Variants in FHIT observed in about 807,000 individuals in gnomAD.
FHIT encodes bis(5'-adenosyl)-triphosphatase.
In FHIT, 19 loss-of-function variants were observed where a neutral mutation model predicts 17.9. The observed-to-expected ratio is 1.06, with a 90% CI of 0.74 to 1.56. FHIT has a LOEUF of 1.56. Among genes scored for constraint, FHIT ranks in the 40% most tolerant of loss-of-function variants. FHIT has a pLI of 0.00. For missense variants in FHIT, 248 were observed against 189.2 expected, an observed-to-expected ratio of 1.31 and a Z score of -1.82; for synonymous variants, 81 against 69.7, an observed-to-expected ratio of 1.16 and a Z score of -0.81.
intron 3 of FHIT, among the ~76,000 whole-genome samples, chr3:60,912,315 C>T (rs1385128431): frequency 1.3e-5 from 2 of 152,156 alleles, no homozygotes; most frequent in Non-Finnish European, 2.9e-5. Context: ...CTGTGGAATC[C>T]GATCATACCG....
At chr3:59,795,791 C>A (rs926091427) in intron 8 of FHIT, among the ~76,000 whole-genome samples, 1 of 152,044 alleles carries the variant, frequency 6.6e-6, no homozygotes, top group African/African-American at 2.4e-5. Flanking sequence ...AAGAGGTGCC[C>A]CGCTGTGCAG....
At chr3:60,498,206 C>G (rs2034381514) in intron 5 of FHIT, among the ~76,000 whole-genome samples, 2 of 152,124 alleles carry the variant, frequency 1.3e-5, no homozygotes, top group African/African-American at 4.8e-5. Flanking sequence ...AAATTTAAGG[C>G]ATTTCCTCCA....
chr3:60,335,856 A>C (rs1710212093), intron 5 of FHIT, among the ~76,000 whole-genome samples: 1 of 152,216 alleles, frequency 6.6e-6, no homozygotes, highest in South Asian at 2.1e-4. Flanking sequence ...CTTAAAAAAA[A>C]TGGTATGCTC....
chr3:60,566,315 A>G (rs2037131763), intron 4 of FHIT, among the ~76,000 whole-genome samples: 1 of 152,148 alleles, frequency 6.6e-6, no homozygotes, highest in Non-Finnish European at 1.5e-5. Context: ...TACGCAAATC[A>G]ATAAACGTAA....
At chr3:60,231,622 T>C (rs1039615753) in intron 5 of FHIT, among the ~76,000 whole-genome samples, 2 of 152,228 alleles carry the variant, frequency 1.3e-5, no homozygotes, top group African/African-American at 4.8e-5. Context: ...TCCTGCCTTA[T>C]AGAATAACTA....
rs926301730 is a variant in FHIT, at chr3:61,176,383, A to C, written c.-164+24234T>G. On this transcript the variant is annotated intron_variant, in intron 2 of 9. Transcript: ENST00000492590. ...CACCAGGAAACTTGCTGTGTGAGACACACAAAAAATTAAACACCTCAAGAA... is the reference window on the plus strand; with the variant it reads ...CACCAGGAAACTTGCTGTGTGAGACCCACAAAAAATTAAACACCTCAAGAA... 2.0e-5 allele frequency among the ~76,000 whole-genome samples: 3 copies of C among 152,268 alleles called. No homozygotes were observed. In the East Asian group the frequency reaches 5.8e-4, roughly 29 times the overall value.
At chr3:60,431,913 C>A (rs1035064812) in intron 5 of FHIT, among the ~76,000 whole-genome samples, 3 of 152,064 alleles carry the variant, frequency 2.0e-5, no homozygotes, top group Non-Finnish European at 4.4e-5. Flanking sequence ...CATGCAAATA[C>A]ACTATTCCTC....
chr3:60,187,327 C>T (rs1702199098), intron 5 of FHIT, among the ~76,000 whole-genome samples: 1 of 152,142 alleles, frequency 6.6e-6, no homozygotes, highest in Non-Finnish European at 1.5e-5. Context: ...ACACGTAATA[C>T]AGAATTGAAG....
chr3:60,363,707 C>T (rs1353578609), intron 5 of FHIT, among the ~76,000 whole-genome samples: 1 of 152,174 alleles, frequency 6.6e-6, no homozygotes, highest in Non-Finnish European at 1.5e-5. Flanking sequence ...CCACTGTGCT[C>T]TGTACCCCAG....
chr3:61,126,246 CAAAAGTA>C (rs1188392207), intron 2 of FHIT, among the ~76,000 whole-genome samples: 39 of 141,978 alleles, frequency 2.7e-4, no homozygotes, highest in Admixed American at 1.7e-3. Flanking sequence ...AGACAGAAAA[CAAAAGTA>C]AAAAAAAAAC....
chr3:60,378,431 T>C (rs1372115589), intron 5 of FHIT, among the ~76,000 whole-genome samples: 1 of 152,214 alleles, frequency 6.6e-6, no homozygotes, highest in East Asian at 1.9e-4. Flanking sequence ...CAGATAGAGC[T>C]TACAAACCAA....
At chr3:61,036,784 G>A (rs2033261637) in intron 3 of FHIT, among the ~76,000 whole-genome samples, 1 of 152,076 alleles carries the variant, frequency 6.6e-6, no homozygotes, top group Non-Finnish European at 1.5e-5. Context: ...TGGTCATGGA[G>A]GTGGCACCAG....
intron 4 of FHIT, among the ~76,000 whole-genome samples, chr3:60,772,805 G>A (rs1201141047): frequency 1.3e-5 from 2 of 152,092 alleles, no homozygotes; most frequent in East Asian, 1.9e-4. Context: ...ACTGTTTCAG[G>A]TTTTTTGCAT....
chr3:60,879,782 A>G (rs528186000), intron 3 of FHIT, among the ~76,000 whole-genome samples: 4 of 151,832 alleles, frequency 2.6e-5, no homozygotes, highest in African/African-American at 9.7e-5. Context: ...GAACAGACTT[A>G]AGTATAGAAA....
chr3:60,247,858 C>G (rs1320414910), intron 5 of FHIT, among the ~76,000 whole-genome samples: 1 of 152,132 alleles, frequency 6.6e-6, no homozygotes, highest in Non-Finnish European at 1.5e-5. Context: ...CAGTGAAGGG[C>G]TTAGCACACA....
intron 2 of FHIT, among the ~76,000 whole-genome samples, chr3:61,188,464 C>T (rs929535390): frequency 6.6e-6 from 1 of 152,118 alleles, no homozygotes; most frequent in Non-Finnish European, 1.5e-5. Flanking sequence ...AAAAAAAGTC[C>T]AGGACCAGAG....
intron 5 of FHIT, among the ~76,000 whole-genome samples, chr3:60,289,835 A>G (rs1171674519): frequency 6.8e-6 from 1 of 147,586 alleles, no homozygotes; most frequent in East Asian, 2.0e-4. Context: ...GGAACCATTC[A>G]GCAGATATAC....
chr3:61,036,721 GC>G (rs2033258406), intron 3 of FHIT, among the ~76,000 whole-genome samples: 1 of 152,074 alleles, frequency 6.6e-6, no homozygotes, highest in Non-Finnish European at 1.5e-5. Context: ...GTCAATCTAG[GC>G]TCTAATATAC....
chr3:60,909,568 T>G (rs1298557975), intron 3 of FHIT, among the ~76,000 whole-genome samples: 1 of 152,166 alleles, frequency 6.6e-6, no homozygotes, highest in Non-Finnish European at 1.5e-5. Context: ...CATCATTCTA[T>G]TTTATTTTTA....
Sources: allele counts gnomAD v4.1 joint callset (sites outside exome capture counted in the v4.1 genomes callset), GRCh38; gene constraint gnomAD v4.1.1; transcripts MANE v1.5; gene names NCBI Gene and HGNC (gene_info 2026-07-23, HGNC 2026-07-21).